The following MED13L variants were observed in gnomAD, a reference collection of about 807,000 sequenced individuals.
MED13L encodes mediator of RNA polymerase II transcription subunit 13-like.
A neutral mutation model predicts 220.9 loss-of-function variants in MED13L; 7 were observed. The observed-to-expected ratio is 0.03, with a 90% CI of 0.02 to 0.06. The LOEUF (loss-of-function observed/expected upper bound fraction) is 0.06, where lower values mean the gene tolerates loss of function less well. Ranked by LOEUF, MED13L falls within the 10% of genes least tolerant of loss-of-function variation. The pLI is 1.00. For synonymous variants in MED13L, 1,011 were observed against 1,015.2 expected, an observed-to-expected ratio of 1.00 and a Z score of 0.08; for missense variants, 1,965 against 2,760.5, an observed-to-expected ratio of 0.71 and a Z score of 6.46.
chr12:116,217,393 C>A (rs1348176186), intron 2 of MED13L, among the ~76,000 whole-genome samples: 1 of 152,148 alleles, frequency 6.6e-6, no homozygotes, highest in East Asian at 1.9e-4. Context: ...ATATTTCAGA[C>A]CTGCAAATTT....
intron 2 of MED13L, among the ~76,000 whole-genome samples, chr12:116,119,819 A>ATT (rs1874848071): frequency 1.2e-5 from 1 of 80,844 alleles, no homozygotes; most frequent in Non-Finnish European, 2.6e-5. Flanking sequence ...TAAAAAAAAA[A>ATT]AAAAAAAAAA....
chr12:116,271,122 GA>G (rs1327680528), intron 1 of MED13L, among the ~76,000 whole-genome samples: 1 of 150,716 alleles, frequency 6.6e-6, no homozygotes, highest in Non-Finnish European at 1.5e-5. Context: ...CAAGAGGGGG[GA>G]AAATGTCCTA....
intron 4 of MED13L, among the ~76,000 whole-genome samples, chr12:116,058,936 A>G (rs1869204610): frequency 6.6e-6 from 1 of 152,248 alleles, no homozygotes; most frequent in African/African-American, 2.4e-5. Context: ...GTATATGTAC[A>G]CTTTACTAAT....
At chr12:115,985,898 G>A (rs1248852395) in intron 19 of MED13L, among the ~76,000 whole-genome samples, 6 of 152,116 alleles carry the variant, frequency 3.9e-5, no homozygotes, top group African/African-American at 1.4e-4. Flanking sequence ...AATCCATCCA[G>A]TAAATAAATA....
intron 2 of MED13L, among the ~76,000 whole-genome samples, chr12:116,213,948 T>TAG (rs1195336499): frequency 6.6e-6 from 1 of 152,214 alleles, no homozygotes; most frequent in Non-Finnish European, 1.5e-5. Context: ...AACACAGTGT[T>TAG]ACATCCATCT....
Position 116,156,339 on chromosome 12 carries a change from T to C in MED13L, c.311-44827A>G, listed in dbSNP as rs1334411884. 5.4e-5 allele frequency among the ~76,000 whole-genome samples: 8 copies of C among 146,802 alleles called. No homozygotes were observed. The Admixed American group carries it at 5.6e-4, about 10-fold the overall frequency. On this transcript the variant is annotated intron_variant, in intron 2 of 30. Coordinates refer to ENST00000281928, the MANE Select transcript of MED13L (RefSeq NM_015335.5). ...TTAGGATTCCATTTTTAACTCCAAA[T>C]TAACAAATGAAGGAATACTGGATTG...
chr12:116,187,010 C>T (rs1172775992), intron 2 of MED13L, among the ~76,000 whole-genome samples: 1 of 152,206 alleles, frequency 6.6e-6, no homozygotes, highest in African/African-American at 2.4e-5. Flanking sequence ...CCGCACACAG[C>T]ATGTTTATTA....
In MED13L at chr12:116,008,123, C is replaced by T. The variant is rs995606003; in HGVS notation, c.2012+278G>A. 1.8e-5 allele frequency: 8 copies of T among 454,230 alleles called. No homozygotes were observed. In the East Asian group the frequency reaches 2.5e-4, roughly 14 times the overall value. 28.1% of individuals were successfully genotyped at this position (454,230 alleles called of 1,614,324 possible). On this transcript the variant is annotated intron_variant, in intron 10 of 30. Transcript: ENST00000281928. Reference sequence around the variant, plus strand: ...ATGGAAAGTCTTATAAAGCTATATTCTTTAATTAACAAACAGTAGGGCAAA... The same window carrying T: ...ATGGAAAGTCTTATAAAGCTATATTTTTTAATTAACAAACAGTAGGGCAAA...
At chr12:115,978,326 CTTTTTTTTTT>C (rs60887652) in intron 23 of MED13L, among the ~76,000 whole-genome samples, 3 of 132,186 alleles carry the variant, frequency 2.3e-5, no homozygotes, top group Non-Finnish European at 4.9e-5. Context: ...AATTTTTTTT[CTTTTTTTTTT>C]TTTTTTTGGA....
chr12:116,008,648 G>A lies in MED13L; in HGVS notation c.1765C>T (p.Leu589Phe), dbSNP rs372595490. 40 of 1,613,974 alleles carry A rather than the reference G, an allele frequency of 2.5e-5. No homozygotes were observed. The highest frequency in any genetic ancestry group is 3.3e-5 in the Non-Finnish European group (39 of 1,180,010). ...NPALYGNGLE[L>F]QQLSTLDDRT... is the part of the protein sequence containing the mutation. The stretch of plus-strand genomic sequence containing the variant: ...TCATCCAGAGTAGACAACTGCTGGA[G>A]TTCTAGTCCATTTCCATAAAGGGCT... The change falls in exon 10 of 31, where the codon CTC becomes TTC. Residue 589 changes from leucine (L) to phenylalanine (F), a missense_variant. Leu to Phe is a conservative substitution (Grantham distance 22). Coordinates refer to ENST00000281928, the MANE Select transcript of MED13L (RefSeq NM_015335.5).
chr12:115,969,156 T>C, intron 27 of MED13L, 59 bp from the exon 28 acceptor site: 1 of 1,551,764 alleles, frequency 6.4e-7, no homozygotes, highest in South Asian at 1.1e-5. Context: ...CATATCAATA[T>C]CATAATAATC....
intron 4 of MED13L, among the ~76,000 whole-genome samples, chr12:116,045,014 C>T (rs1881749668): frequency 6.6e-6 from 1 of 151,958 alleles, no homozygotes; most frequent in Non-Finnish European, 1.5e-5. Context: ...AGTAAGAGAC[C>T]CTACAGATAA....
At chr12:116,011,298 A>G (rs1454188086) in intron 9 of MED13L, among the ~76,000 whole-genome samples, 1 of 152,234 alleles carries the variant, frequency 6.6e-6, no homozygotes, top group Non-Finnish European at 1.5e-5. Flanking sequence ...GGTTATAAAA[A>G]AAAGACCTGA....
rs2137243812 is a variant in MED13L at position 115,975,667 on chromosome 12, C to T, written c.5436G>A (p.Leu1812=). 1 of 1,614,024 alleles carries T rather than the reference C, an allele frequency of 6.2e-7. No homozygotes were observed. ...GGCTCGCCTCACCAAACGTCTCTCC[C>T]AGCTCTGTCTGCTTGTCTTTGATTG... ...LAPIKDKQTE[L]GETFGEASQK... The change falls in exon 24 of 31, where the codon CTG becomes CTA. Residue 1812 remains leucine, a synonymous_variant. Transcript: ENST00000281928.
chr12:116,056,768 G>A (rs1869010555), intron 4 of MED13L, among the ~76,000 whole-genome samples: 1 of 152,044 alleles, frequency 6.6e-6, no homozygotes, highest in South Asian at 2.1e-4. Flanking sequence ...TTAAATGATT[G>A]CACAATTATA....
At chr12:116,263,560 T>C (rs975669034) in intron 1 of MED13L, among the ~76,000 whole-genome samples, 4 of 152,182 alleles carry the variant, frequency 2.6e-5, no homozygotes, top group African/African-American at 9.7e-5. Flanking sequence ...TGAGACAACA[T>C]GTGTGGGCTA....
chr12:116,051,567 C>T (rs1400347955), intron 4 of MED13L, among the ~76,000 whole-genome samples: 1 of 152,110 alleles, frequency 6.6e-6, no homozygotes, highest in Non-Finnish European at 1.5e-5. Context: ...AGAAGAATAT[C>T]GGATTTCAAA....
chr12:115,979,772 G>T (rs1240742377), intron 23 of MED13L, among the ~76,000 whole-genome samples: 1 of 152,220 alleles, frequency 6.6e-6, no homozygotes, highest in Non-Finnish European at 1.5e-5. Context: ...CAATAAAATT[G>T]TGGGAACTGA....
intron 1 of MED13L, among the ~76,000 whole-genome samples, chr12:116,239,607 T>C (rs1226906304): frequency 1.3e-5 from 2 of 152,222 alleles, no homozygotes; most frequent in Non-Finnish European, 2.9e-5. Context: ...TTCCATTTTA[T>C]TTCCACTACT....
Sources: allele counts gnomAD v4.1 joint callset (sites outside exome capture counted in the v4.1 genomes callset), GRCh38; gene constraint gnomAD v4.1.1; transcripts MANE v1.5; gene names NCBI Gene and HGNC (gene_info 2026-07-23, HGNC 2026-07-21).